Variants in TMEM217 observed in about 807,000 individuals in gnomAD.
TMEM217 encodes chromosome 6 open reading frame 128.
For missense variants in TMEM217, 204 were observed against 248.8 expected, an observed-to-expected ratio of 0.82 and a Z score of 1.21; for synonymous variants, 76 against 88.3, an observed-to-expected ratio of 0.86 and a Z score of 0.78.
chr6:37,249,701 C>G (rs992347596), intron 1 of TMEM217, among the ~76,000 whole-genome samples: 6 of 152,170 alleles, frequency 3.9e-5, no homozygotes, highest in Non-Finnish European at 5.9e-5. Flanking sequence ...TTGTCCTTCC[C>G]TTAGGATCTG....
At chr6:37,253,834 T>C (rs1221768443) in intron 1 of TMEM217, among the ~76,000 whole-genome samples, 2 of 152,202 alleles carry the variant, frequency 1.3e-5, no homozygotes, top group East Asian at 3.8e-4. Context: ...TCTTTCCTTT[T>C]CTCTCCCTAC....
intron 1 of TMEM217, among the ~76,000 whole-genome samples, chr6:37,235,840 A>G (rs1311648738): frequency 6.6e-6 from 1 of 152,168 alleles, no homozygotes; most frequent in East Asian, 1.9e-4. Context: ...CCTTTTATAA[A>G]GCACTAACCC....
intron 1 of TMEM217, among the ~76,000 whole-genome samples, chr6:37,237,413 C>G (rs531848340): frequency 6.6e-6 from 1 of 152,206 alleles, no homozygotes; most frequent in Non-Finnish European, 1.5e-5. Flanking sequence ...GTCAGCCTCT[C>G]TCTGGTAGCC....
chr6:37,236,102 T>C (rs1427516126), intron 1 of TMEM217, among the ~76,000 whole-genome samples: 2 of 152,198 alleles, frequency 1.3e-5, no homozygotes, highest in Non-Finnish European at 2.9e-5. Context: ...TTTAACATCA[T>C]CGTGTTTGAA....
chr6:37,244,990 C>G (rs1472868185), intron 1 of TMEM217, among the ~76,000 whole-genome samples: 2 of 152,192 alleles, frequency 1.3e-5, no homozygotes, highest in Non-Finnish European at 2.9e-5. Flanking sequence ...CTAGCCTAGA[C>G]ATGTTCTCAT....
downstream of TMEM217, chr6:37,215,212 T>G: frequency 6.2e-7 from 1 of 1,613,850 alleles, no homozygotes. Context: ...CAGACATCTA[T>G]TGTGTATCTA....
At chr6:37,237,485 T>C (rs1764561419) in intron 1 of TMEM217, among the ~76,000 whole-genome samples, 1 of 152,196 alleles carries the variant, frequency 6.6e-6, no homozygotes, top group South Asian at 2.1e-4. Context: ...TTATTGCAAG[T>C]CTTGCAGAAG....
intron 1 of TMEM217, among the ~76,000 whole-genome samples, chr6:37,250,574 C>T (rs542134187): frequency 4.1e-4 from 63 of 152,368 alleles, no homozygotes; most frequent in African/African-American, 1.1e-3. Flanking sequence ...GATTTAGCAA[C>T]GCCTTTCCTA....
chr6:37,228,877 G>GTCCC (rs757523507), intron 1 of TMEM217, among the ~76,000 whole-genome samples: 8 of 151,448 alleles, frequency 5.3e-5, no homozygotes, highest in Non-Finnish European at 1.0e-4. Flanking sequence ...GGTGCCTGTA[G>GTCCC]TCCCAGCTAC....
intron 1 of TMEM217, among the ~76,000 whole-genome samples, chr6:37,251,658 T>A (rs1765406618): frequency 6.6e-6 from 1 of 152,192 alleles, no homozygotes; most frequent in South Asian, 2.1e-4. Context: ...CTCTAAAACA[T>A]GCATGGGAAT....
intron 1 of TMEM217, among the ~76,000 whole-genome samples, chr6:37,232,400 T>TTTTG (rs1562012723): frequency 5.0e-4 from 75 of 151,362 alleles, no homozygotes; most frequent in African/African-American, 1.8e-3. Flanking sequence ...GTTTTCTTTT[T>TTTTG]TTTGAGACGG....
intron 1 of TMEM217, among the ~76,000 whole-genome samples, chr6:37,254,393 T>C (rs1339633959): frequency 6.6e-6 from 1 of 152,200 alleles, no homozygotes; most frequent in Non-Finnish European, 1.5e-5. Flanking sequence ...ATCAGCCCTT[T>C]GATGACAGCT....
chr6:37,219,880 G>A (rs1763414506), intron 1 of TMEM217, among the ~76,000 whole-genome samples: 2 of 152,168 alleles, frequency 1.3e-5, no homozygotes, highest in Non-Finnish European at 2.9e-5. Context: ...CTGTTGGGTG[G>A]AGATGATAAA....
intron 1 of TMEM217, among the ~76,000 whole-genome samples, chr6:37,226,323 C>G (rs1449818539): frequency 1.9e-5 from 2 of 107,210 alleles, no homozygotes; most frequent in African/African-American, 3.5e-5. Flanking sequence ...GACAGAGTCT[C>G]GCTCTTTCGC....
At chr6:37,237,725 C>T (rs1477674723) in intron 1 of TMEM217, among the ~76,000 whole-genome samples, 2 of 152,080 alleles carry the variant, frequency 1.3e-5, no homozygotes, top group Non-Finnish European at 2.9e-5. Flanking sequence ...CAACATACAA[C>T]AATATGGTAG....
chr6:37,245,373 G>A (rs970151698), intron 1 of TMEM217, among the ~76,000 whole-genome samples: 22 of 152,230 alleles, frequency 1.4e-4, no homozygotes, highest in Non-Finnish European at 3.2e-4. Flanking sequence ...CCAAACTGGG[G>A]GTTGCTGCCA....
chr6:37,229,335 G>T (rs1349359081), intron 1 of TMEM217, among the ~76,000 whole-genome samples: 36 of 74,344 alleles, frequency 4.8e-4, no homozygotes, highest in South Asian at 1.3e-3. Flanking sequence ...GCAACTTTCA[G>T]TTTTTTTTTT....
intron 1 of TMEM217, among the ~76,000 whole-genome samples, chr6:37,238,973 T>C (rs1213934078): frequency 6.6e-6 from 1 of 151,682 alleles, no homozygotes; most frequent in Non-Finnish European, 1.5e-5. Context: ...CTACTAAAAA[T>C]ACAAAAATTA....
chr6:37,243,884 G>A (rs571801979), intron 1 of TMEM217, among the ~76,000 whole-genome samples: 38 of 152,296 alleles, frequency 2.5e-4, no homozygotes, highest in Admixed American at 2.0e-3. Flanking sequence ...CTCTGGATGG[G>A]GGGGTGCACA....
Sources: gnomAD v4.1 joint callset for allele counts (sites outside exome capture counted in the v4.1 genomes callset) on GRCh38, gnomAD v4.1.1 for gene constraint, MANE v1.5 for transcripts, NCBI Gene and HGNC (gene_info 2026-07-23, HGNC 2026-07-21) for gene names.